GLRA3: variants seen among roughly 807,000 people sequenced by gnomAD.
The protein encoded by GLRA3 is glycine receptor subunit alpha-3.
A neutral mutation model predicts 60.4 loss-of-function variants in GLRA3; 44 were observed. The observed-to-expected ratio is 0.73, with a 90% CI of 0.57 to 0.94. The LOEUF (loss-of-function observed/expected upper bound fraction) is 0.94. Ranked by LOEUF, GLRA3 falls within the 40% of genes least tolerant of loss-of-function variation. GLRA3 has a pLI of 0.00. For missense variants in GLRA3, 508 were observed against 564.6 expected (o/e 0.90, Z 1.02); for synonymous variants, 223 against 192.9 (o/e 1.16, Z -1.29).
chr4:174,815,947 T>C (rs1283928518), intron 1 of GLRA3, among the ~76,000 whole-genome samples: 1 of 152,220 alleles, frequency 6.6e-6, no homozygotes, highest in Non-Finnish European at 1.5e-5. Context: ...GAGTTTCTTT[T>C]CCGTGGCATC....
At chr4:174,826,620 A>G (rs1412304766) in intron 1 of GLRA3, among the ~76,000 whole-genome samples, 3 of 152,204 alleles carry the variant, frequency 2.0e-5, no homozygotes, top group Admixed American at 2.0e-4. Flanking sequence ...CCTATGACAT[A>G]AAAAGTCTGT....
chr4:174,742,217 C>T (rs1326341082), intron 3 of GLRA3, among the ~76,000 whole-genome samples: 4 of 152,070 alleles, frequency 2.6e-5, no homozygotes, highest in African/African-American at 9.7e-5. Context: ...TCAGTAGAAG[C>T]TGTGTGAATG....
intron 6 of GLRA3, among the ~76,000 whole-genome samples, chr4:174,680,257 G>T (rs1734289927): frequency 6.6e-6 from 1 of 152,102 alleles, no homozygotes; most frequent in Non-Finnish European, 1.5e-5. Context: ...AGTATATGTG[G>T]ATCTGATGAG....
chr4:174,698,999 C>CTTT (rs35453287), intron 5 of GLRA3, among the ~76,000 whole-genome samples: 1 of 143,836 alleles, frequency 7.0e-6, no homozygotes, highest in Non-Finnish European at 1.5e-5. Flanking sequence ...CTTATAATTA[C>CTTT]TTTTTTTTTT....
At chr4:174,703,968 G>T (rs545940976) in intron 5 of GLRA3, among the ~76,000 whole-genome samples, 1 of 152,016 alleles carries the variant, frequency 6.6e-6, no homozygotes, top group African/African-American at 2.4e-5. Context: ...GGGATATGAG[G>T]GTTGAAGGAA....
chr4:174,779,225 G>A (rs917431281), intron 2 of GLRA3, among the ~76,000 whole-genome samples: 23 of 152,082 alleles, frequency 1.5e-4, no homozygotes, highest in Middle Eastern at 3.2e-3. Context: ...ACACGGCAGG[G>A]TACTCCAACA....
intron 7 of GLRA3, among the ~76,000 whole-genome samples, chr4:174,661,392 A>C (rs994876957): frequency 6.6e-6 from 1 of 152,172 alleles, no homozygotes; most frequent in African/African-American, 2.4e-5. Context: ...GTACTTGATC[A>C]TTCACCGTGT....
intron 3 of GLRA3, among the ~76,000 whole-genome samples, chr4:174,736,198 CTATTT>C (rs1035060702): frequency 2.0e-5 from 3 of 151,812 alleles, no homozygotes; most frequent in Non-Finnish European, 2.9e-5. Context: ...AAACTGTATT[CTATTT>C]TATTAATGTG....
At chr4:174,669,408 A>T (rs1057404655) in intron 7 of GLRA3, among the ~76,000 whole-genome samples, 1 of 152,090 alleles carries the variant, frequency 6.6e-6, no homozygotes, top group Non-Finnish European at 1.5e-5. Flanking sequence ...AGGCAATGAA[A>T]CTTACGGCCC....
At chr4:174,797,849 T>C (rs932482191) in intron 1 of GLRA3, among the ~76,000 whole-genome samples, 1 of 151,634 alleles carries the variant, frequency 6.6e-6, no homozygotes. Context: ...ACCTGATCCC[T>C]GGTGGTCAAA....
chr4:174,769,065 C>T (rs73006432), intron 2 of GLRA3, among the ~76,000 whole-genome samples: 8,251 of 151,884 alleles, frequency 0.054, 271 homozygotes, highest in African/African-American at 0.077. Flanking sequence ...CCTAGTAGCC[C>T]CTTGACTTAT....
chr4:174,821,240 A>G (rs1740729382), intron 1 of GLRA3, among the ~76,000 whole-genome samples: 1 of 152,224 alleles, frequency 6.6e-6, no homozygotes, highest in Non-Finnish European at 1.5e-5. Flanking sequence ...GGCTTCTTGG[A>G]ACTATATGCA....
chr4:174,659,072 T>A lies in GLRA3; in HGVS notation c.1053A>T (p.Arg351=), dbSNP rs751971798. The A allele has an allele frequency of 6.2e-7, 1 of 1,613,060 alleles. No individual in the cohort carries two copies. Among genetic ancestry groups the A allele is most frequent in the South Asian group, 1.1e-5 (1 of 91,020 alleles). Residue 351 remains arginine, a synonymous_variant, in exon 8 of 10, where the codon CGA becomes CGT. Coordinates refer to ENST00000274093, the MANE Select transcript of GLRA3 (RefSeq NM_006529.4). Reference sequence around the variant, plus strand: ...CACTTACCTTATTCTTTCTCTTTCGTCGAAATCTCAGAAGTTCTTTGTGTT... The same window carrying A: ...CACTTACCTTATTCTTTCTCTTTCGACGAAATCTCAGAAGTTCTTTGTGTT... ...SRQHKELLRF[R]RKRKNKTEAF... is the part of the protein sequence containing the mutation.
At chr4:174,658,666 G>C (rs1733306004) in intron 8 of GLRA3, among the ~76,000 whole-genome samples, 1 of 152,100 alleles carries the variant, frequency 6.6e-6, no homozygotes, top group African/African-American at 2.4e-5. Context: ...ATAATGAAAT[G>C]AATTAGCTCT....
At chr4:174,663,525 T>C (rs1291283470) in intron 7 of GLRA3, among the ~76,000 whole-genome samples, 1 of 152,190 alleles carries the variant, frequency 6.6e-6, no homozygotes, top group South Asian at 2.1e-4. Flanking sequence ...ACAACAAATA[T>C]GTGGAAACAT....
At chr4:174,741,795 T>A (rs1219512996) in intron 3 of GLRA3, among the ~76,000 whole-genome samples, 1 of 152,164 alleles carries the variant, frequency 6.6e-6, no homozygotes, top group Non-Finnish European at 1.5e-5. Flanking sequence ...GCAGCTTATT[T>A]TTTTCTTCTG....
At chr4:174,650,130 C>T (rs1394197617) in intron 9 of GLRA3, among the ~76,000 whole-genome samples, 6 of 152,122 alleles carry the variant, frequency 3.9e-5, no homozygotes, top group African/African-American at 1.2e-4. Flanking sequence ...CAAGGCATAA[C>T]CTTGTCTGAG....
chr4:174,659,131 G>A lies in GLRA3; in HGVS notation c.994C>T (p.Leu332=), dbSNP rs775181879. The change falls in exon 8 of 10, where the codon CTG becomes TTG. Residue 332 remains leucine (L), a synonymous_variant. Transcript: ENST00000274093. ...VCLLFVFSAL[L]EYAAVNFVSR... is the part of the protein sequence containing the mutation. ...ACAAAATTTACAGCTGCATACTCCAGAAGTGCTGAAAACACAAAAAGGAGG... is the reference window on the plus strand; with the variant it reads ...ACAAAATTTACAGCTGCATACTCCAAAAGTGCTGAAAACACAAAAAGGAGG... 6 of 1,611,554 alleles carry A rather than the reference G, an allele frequency of 3.7e-6. No homozygotes were observed. Among genetic ancestry groups the A allele is most frequent in the South Asian group, 1.1e-5 (1 of 91,032 alleles).
At chr4:174,706,860 G>T (rs182858812) in intron 5 of GLRA3, among the ~76,000 whole-genome samples, 4 of 152,030 alleles carry the variant, frequency 2.6e-5, no homozygotes, top group African/African-American at 9.7e-5. Flanking sequence ...TTAAAGGAGC[G>T]TAACACCAAA....
Sources: gnomAD v4.1 joint callset for allele counts (sites outside exome capture counted in the v4.1 genomes callset) on GRCh38, gnomAD v4.1.1 for gene constraint, MANE v1.5 for transcripts, NCBI Gene and HGNC (gene_info 2026-07-23, HGNC 2026-07-21) for gene names.